FGF2: variants seen among roughly 807,000 people sequenced by gnomAD.
FGF2 encodes the protein basic fibroblast growth factor bFGF.
In FGF2, 13 loss-of-function variants were observed where a neutral mutation model predicts 15.9. The observed-to-expected ratio is 0.82, with a 90% CI of 0.53 to 1.30. The LOEUF (loss-of-function observed/expected upper bound fraction) is 1.30, where lower values mean the gene tolerates loss of function less well. Ranked by LOEUF, FGF2 falls within the 50% of genes most tolerant of loss-of-function variation. The probability of loss-of-function intolerance (pLI) is 0.00; values close to 1 mark genes in which losing one functional copy is unlikely to be tolerated. For missense variants in FGF2, 163 were observed against 196.9 expected (o/e 0.83, Z 1.03); for synonymous variants, 90 against 78.4 (o/e 1.15, Z -0.78).
chr4:122,878,868 A>G (rs1726908482), intron 2 of FGF2, among the ~76,000 whole-genome samples: 1 of 152,174 alleles, frequency 6.6e-6, no homozygotes, highest in African/African-American at 2.4e-5. Flanking sequence ...GAGAAGGTAG[A>G]CGAGAAAGGG....
chr4:122,826,871 C>G lies in FGF2; in HGVS notation c.-304C>G. ...GCGGTGCCCGCGGTTGCAACGGGAT[C>G]CCGGGCGCTGCAGCTTGGGAGGCGG... On this transcript the variant is annotated 5_prime_UTR_variant, in exon 1 of 3. In the 5' UTR this introduces an upstream ATG that the reference lacks. Transcript: ENST00000644866. The G allele has an allele frequency of 6.6e-7, 1 of 1,522,258 alleles. No homozygotes were observed. The highest frequency in any genetic ancestry group is 8.8e-7 in the Non-Finnish European group (1 of 1,136,910). 94.3% of individuals were successfully genotyped at this position (1,522,258 alleles called of 1,614,324 possible).
intron 1 of FGF2, among the ~76,000 whole-genome samples, chr4:122,865,101 G>T (rs115299698): frequency 6.6e-6 from 1 of 151,582 alleles, no homozygotes; most frequent in East Asian, 1.9e-4. Context: ...TATTACTTTG[G>T]GTTTAATTTG....
At position 122,896,251 on chromosome 4, in the gene FGF2, T is replaced by C. The variant is rs182831170; in HGVS notation, c.*3855T>C. On this transcript the variant is annotated 3_prime_UTR_variant, in exon 3 of 3. Transcript: ENST00000644866. ...CTGGACTTTAAGAAGGATTCTGGAG[T>C]ATACTTAGGCCTGAAATTATATATA... 1.3e-5 allele frequency: 2 copies of C among 152,220 alleles called. No homozygotes were observed. Among genetic ancestry groups the C allele is most frequent in the East Asian group, 3.9e-4 (2 of 5,162 alleles). The allele number at this position is 152,220 out of a possible 1,614,324, so 9.4% of individuals were successfully genotyped here.
At chr4:122,855,624 C>T (rs1337582018) in intron 1 of FGF2, among the ~76,000 whole-genome samples, 1 of 152,166 alleles carries the variant, frequency 6.6e-6, no homozygotes, top group Non-Finnish European at 1.5e-5. Context: ...CTTTGGAAGG[C>T]CTCTGCTAGA....
chr4:122,827,189 C>T lies in FGF2; in HGVS notation c.15C>T (p.Ser5=). 6.3e-7 allele frequency: 1 copy of T among 1,593,628 alleles called. No individual in the cohort carries two copies. The highest frequency in any genetic ancestry group is 2.3e-5 in the East Asian group (1 of 43,680). Residue 5 remains serine (S), a synonymous_variant, in exon 1 of 3, where the codon AGC becomes AGT. Coordinates refer to ENST00000644866, the MANE Select transcript of FGF2 (RefSeq NM_001361665.2). The surrounding 1 kb of genome is among the most constrained non-coding windows in gnomAD (Gnocchi z 4.2). MAAG[S]ITTLPALPED... ...CCGCAGGGACCATGGCAGCCGGGAG[C>T]ATCACCACGCTGCCCGCCTTGCCCG...
chr4:122,895,725 CTATGGATAACAAT>C lies in FGF2; in HGVS notation c.*3331_*3343del, dbSNP rs1308062170. 6.6e-6 allele frequency: 1 copy of C among 151,988 alleles called. No individual in the cohort carries two copies. The highest frequency in any genetic ancestry group is 1.5e-5 in the Non-Finnish European group (1 of 68,012). 9.4% of individuals were successfully genotyped at this position (151,988 alleles called of 1,614,324 possible). ...TGACCCTCTTGATATTTAAAAAACA[CTATGGATAACAAT>C]TCTTCATTTACCTAGTATTATGAAA... On this transcript the variant is annotated 3_prime_UTR_variant, in exon 3 of 3. Transcript: ENST00000644866.
chr4:122,897,894 T>C lies in FGF2; in HGVS notation c.*5498T>C. 1 of 539,128 alleles carries C rather than the reference T, an allele frequency of 1.9e-6. No individual in the cohort carries two copies. Among genetic ancestry groups the C allele is most frequent in the East Asian group, 3.1e-5 (1 of 31,750 alleles). 33.4% of individuals were successfully genotyped at this position (539,128 alleles called of 1,614,324 possible). A position where few individuals can be genotyped will look rare whatever the true frequency, so the allele number is the denominator to read the frequency against. On this transcript the variant is annotated 3_prime_UTR_variant, in exon 3 of 3. Coordinates refer to ENST00000644866, the MANE Select transcript of FGF2 (RefSeq NM_001361665.2). ...TGAAATCTTTTCCCACCTTTTCTCTTCAGGAAATATAAGTGGTTTTGTTTG... is the reference window on the plus strand; with the variant it reads ...TGAAATCTTTTCCCACCTTTTCTCTCCAGGAAATATAAGTGGTTTTGTTTG...
chr4:122,856,368 G>A (rs1578463269), intron 1 of FGF2, among the ~76,000 whole-genome samples: 3 of 152,226 alleles, frequency 2.0e-5, no homozygotes, highest in South Asian at 4.1e-4. Context: ...ACAATGAATT[G>A]TAAAATGAAA....
chr4:122,855,243 A>G lies in FGF2; in HGVS notation c.179-21078A>G, dbSNP rs180953862. 3.8e-3 allele frequency among the ~76,000 whole-genome samples: 578 copies of G among 152,330 alleles called. 2 individuals carry two copies. The highest frequency in any genetic ancestry group is 0.013 in the African/African-American group (535 of 41,582). On this transcript the variant is annotated intron_variant, in intron 1 of 2. Transcript: ENST00000644866. ...CACCCAAGAAGCATTTCGAAAAGGA[A>G]GAATTTGCCAAGAAAAGGCTATATT...
At chr4:122,889,705 A>G (rs1458624597) in intron 2 of FGF2, among the ~76,000 whole-genome samples, 1 of 152,106 alleles carries the variant, frequency 6.6e-6, no homozygotes, top group African/African-American at 2.4e-5. Flanking sequence ...TTTTTTCAAA[A>G]GTAGAAATAA....
At chr4:122,862,408 T>G (rs1726490239) in intron 1 of FGF2, among the ~76,000 whole-genome samples, 1 of 152,188 alleles carries the variant, frequency 6.6e-6, no homozygotes, top group South Asian at 2.1e-4. Context: ...TGGAAGATAT[T>G]CCAAAATAGG....
In FGF2 at chr4:122,827,316, C is replaced by G. The variant is rs1236255682; in HGVS notation, c.142C>G (p.Arg48Gly). The change falls in exon 1 of 3, where the codon CGA becomes GGA. Residue 48 changes from arginine to glycine, a missense_variant. Physicochemically the swap from Arg to Gly is moderately radical, Grantham distance 125. Transcript: ENST00000644866. This position sits in a 1 kb window ranked among gnomAD's most constrained non-coding sequence, Gnocchi z 4.2. ...CTTCCTGCGCATCCACCCCGACGGC[C>G]GAGTTGACGGGGTCCGGGAGAAGAG... ...GFFLRIHPDG[R>G]VDGVREKSDP... 6.2e-7 allele frequency: 1 copy of G among 1,612,924 alleles called. No individual in the cohort carries two copies. Among genetic ancestry groups the G allele is most frequent in the Non-Finnish European group, 8.5e-7 (1 of 1,179,914 alleles).
chr4:122,844,622 TCTTC>T (rs1726070971), intron 1 of FGF2, among the ~76,000 whole-genome samples: 1 of 115,696 alleles, frequency 8.6e-6, no homozygotes, highest in African/African-American at 4.9e-5. Flanking sequence ...TTCCTTTCTT[TCTTC>T]CTTTCTTCCT....
At chr4:122,844,586 TCTTCCTTCCTTCCTTC>T (rs554560967) in intron 1 of FGF2, among the ~76,000 whole-genome samples, 1 of 133,784 alleles carries the variant, frequency 7.5e-6, no homozygotes, top group Non-Finnish European at 1.5e-5. Flanking sequence ...TTTCTTTCTT[TCTTCCTTCCTTCCTTC>T]CTTCCTTCCT....
chr4:122,881,360 G>A (rs1726957333), intron 2 of FGF2, among the ~76,000 whole-genome samples: 1 of 152,146 alleles, frequency 6.6e-6, no homozygotes, highest in South Asian at 2.1e-4. Context: ...TGGTCAGGCT[G>A]CAAATTTTCC....
chr4:122,840,667 C>T (rs753376297), intron 1 of FGF2: 8 of 192,652 alleles, frequency 4.2e-5, no homozygotes, highest in Middle Eastern at 2.9e-3. Flanking sequence ...TGCTGCCCCA[C>T]GACCTCCACT....
At chr4:122,834,923 G>A (rs1725833417) in intron 1 of FGF2, among the ~76,000 whole-genome samples, 1 of 152,150 alleles carries the variant, frequency 6.6e-6, no homozygotes, top group Non-Finnish European at 1.5e-5. Context: ...CACCACTATT[G>A]TAGATTGGCC....
intron 1 of FGF2, among the ~76,000 whole-genome samples, chr4:122,839,945 G>A (rs943177957): frequency 2.0e-5 from 3 of 152,110 alleles, no homozygotes; most frequent in Admixed American, 6.6e-5. Flanking sequence ...CCCTCTCCTT[G>A]GCTTGTCGAT....
chr4:122,836,824 C>A, intron 1 of FGF2, among the ~76,000 whole-genome samples: 1 of 152,148 alleles, frequency 6.6e-6, no homozygotes, highest in East Asian at 1.9e-4. Context: ...TCAAGGGAAG[C>A]AATAAAGGCA....
Sources: allele counts gnomAD v4.1 joint callset (sites outside exome capture counted in the v4.1 genomes callset), GRCh38; gene constraint gnomAD v4.1.1; non-coding constraint Gnocchi (gnomAD v3.1); transcripts MANE v1.5; gene names NCBI Gene and HGNC (gene_info 2026-07-23, HGNC 2026-07-21).